CGN: variants seen among roughly 807,000 people sequenced by gnomAD.
CGN encodes cingulin.
Under a neutral mutation model 157.1 loss-of-function variants are expected in CGN, and 121 were observed. The ratio of observed to expected loss-of-function variants is 0.77; its 90% CI spans 0.66 to 0.90. The LOEUF (loss-of-function observed/expected upper bound fraction) is 0.90. Among genes scored for constraint, CGN ranks in the 40% least tolerant of loss-of-function variants. The pLI, the probability that CGN is intolerant of heterozygous loss-of-function variation, is 0.00. For synonymous variants in CGN, 535 were observed against 607.5 expected (o/e 0.88, Z 1.76); for missense variants, 1,424 against 1,520.9 (o/e 0.94, Z 1.06).
At position 151,535,846 on chromosome 1, in the gene CGN, C is replaced by T. The variant is rs781153746; in HGVS notation, c.3145C>T (p.Gln1049Ter). Residue 1049 changes from glutamine to a stop codon, truncating the protein, a stop_gained, in exon 18 of 21, where the codon CAG becomes TAG. Coordinates refer to ENST00000271636, the MANE Select transcript of CGN (RefSeq NM_020770.3). LOFTEE classifies it high-confidence loss of function. ...CCAGAAGCCTAGTGCCAGCCTCTCT[C>T]AGCTTGAGTCCCAGAATCAGTTGTT... ...GFQKPSASLS[Q>*]LESQNQLLQE... 78 of 1,614,052 alleles carry T rather than the reference C, an allele frequency of 4.8e-5. No individual in the cohort carries two copies. Among genetic ancestry groups the T allele is most frequent in the Non-Finnish European group, 5.9e-5 (70 of 1,180,030 alleles).
chr1:151,526,938 G>A (rs1664694179), intron 9 of CGN, 37 bp from the exon 10 acceptor site: 2 of 1,613,826 alleles, frequency 1.2e-6, no homozygotes, highest in Non-Finnish European at 1.7e-6. Context: ...GCCTTACTCT[G>A]TTCCCTTTCC....
intron 8 of CGN, 115 bp downstream of exon 8, chr1:151,525,001 C>G: frequency 1.2e-6 from 1 of 806,664 alleles, no homozygotes. Flanking sequence ...CCCCTCTCCT[C>G]CTAAAGGACA....
rs773152065 is a variant in CGN, at chr1:151,524,340, T to C, written c.1383T>C (p.Ala461=). ...AACATGTCCAGGGTCCTGAGCCTGCTAAGGAGGTGTTACTGAAGGTAGGGT... is the reference window on the plus strand; with the variant it reads ...AACATGTCCAGGGTCCTGAGCCTGCCAAGGAGGTGTTACTGAAGGTAGGGT... ...KLKHVQGPEP[A]KEVLLKDLLE... is the part of the protein sequence containing the mutation. The change falls in exon 7 of 21, where the codon GCT becomes GCC. Residue 461 remains alanine, a synonymous_variant. Transcript: ENST00000271636. This position sits in a 1 kb window ranked among gnomAD's most constrained non-coding sequence, Gnocchi z 4.4. 6.2e-6 allele frequency: 10 copies of C among 1,614,066 alleles called. No individual in the cohort carries two copies. The East Asian group carries it at 2.2e-4, about 36-fold the overall frequency.
In CGN at chr1:151,530,504, C is replaced by G. The variant is rs759368041; in HGVS notation, c.2329C>G (p.Leu777Val). Residue 777 changes from leucine (L) to valine (V), a missense_variant, in exon 13 of 21, where the codon CTG (leucine) becomes GTG (valine). Transcript: ENST00000271636. ...LQRLEAEKQQ[L>V]EEALNASQEE... is the part of the protein sequence containing the mutation. ...TACCTCCCAGGCAGAGAAACAGCAGCTGGAGGAGGCCCTGAATGCGTCCCA... is the reference window on the plus strand; with the variant it reads ...TACCTCCCAGGCAGAGAAACAGCAGGTGGAGGAGGCCCTGAATGCGTCCCA... The G allele has an allele frequency of 6.3e-7, 1 of 1,588,636 alleles. No individual in the cohort carries two copies. Among genetic ancestry groups the G allele is most frequent in the African/African-American group, 1.3e-5 (1 of 74,276 alleles).
chr1:151,534,427 A>C, intron 15 of CGN: 1 of 390,870 alleles, frequency 2.6e-6, no homozygotes, highest in South Asian at 2.9e-5. Flanking sequence ...TAGAGTGAAC[A>C]GTATTCTTCA....
intron 14 of CGN, among the ~76,000 whole-genome samples, chr1:151,533,649 C>T (rs1415426864): frequency 1.3e-5 from 2 of 151,530 alleles, no homozygotes; most frequent in Non-Finnish European, 2.9e-5. Flanking sequence ...AAAAAATTAG[C>T]CAAGCGTGGT....
intron 10 of CGN, among the ~76,000 whole-genome samples, chr1:151,527,656 T>C (rs963481427): frequency 5.3e-5 from 8 of 152,146 alleles, no homozygotes; most frequent in Admixed American, 1.3e-4. Context: ...ATTCACTACA[T>C]ATTATATAAC....
intron 1 of CGN, among the ~76,000 whole-genome samples, chr1:151,516,461 G>A (rs1235318916): frequency 8.6e-5 from 13 of 152,030 alleles, no homozygotes; most frequent in Admixed American, 7.9e-4. Flanking sequence ...ATGTGGACCT[G>A]GGAAGCTGGC....
At chr1:151,512,580 G>T (rs1433993113) in intron 1 of CGN, among the ~76,000 whole-genome samples, 2 of 152,336 alleles carry the variant, frequency 1.3e-5, no homozygotes, top group Admixed American at 1.3e-4. Flanking sequence ...CAGATGAAAG[G>T]TGCACCTTGG....
intron 13 of CGN, among the ~76,000 whole-genome samples, chr1:151,532,071 T>C (rs1320671367): frequency 6.6e-6 from 1 of 152,256 alleles, no homozygotes; most frequent in Non-Finnish European, 1.5e-5. Flanking sequence ...TATCAGGCAC[T>C]GTTGTAAGTA....
chr1:151,519,031 A>G lies in CGN; in HGVS notation c.512A>G (p.Asp171Gly), dbSNP rs1178080284. The change falls in exon 2 of 21, where the codon GAC becomes GGC. Residue 171 changes from aspartate to glycine, a missense_variant. Asp to Gly is a moderately conservative substitution (Grantham distance 94). Transcript: ENST00000271636. ...PKVASPGSTI[D>G]TAPLSSVDSL... is the part of the protein sequence containing the mutation. The stretch of plus-strand genomic sequence containing the variant: ...GTGGCTTCCCCAGGTAGCACCATTG[A>G]CACTGCTCCCCTGTCTTCAGTGGAC... 3.7e-6 allele frequency: 6 copies of G among 1,614,172 alleles called. No individual in the cohort carries two copies. In the South Asian group the frequency reaches 6.6e-5, roughly 18 times the overall value.
In CGN at chr1:151,530,749, G is replaced by A; in HGVS notation, c.2571+3G>A. On this transcript the variant is annotated splice_donor_region_variant and intron_variant, in intron 13 of 20. Transcript: ENST00000271636. ...CTGTGGACCGACTGAACAAGGAGGT[G>A]GGGCATGGGGTATTCTGGGCCTTTA... The A allele has an allele frequency of 6.4e-7, 1 of 1,551,206 alleles. No individual in the cohort carries two copies. Among genetic ancestry groups the A allele is most frequent in the South Asian group, 1.2e-5 (1 of 84,070 alleles).
Position 151,520,424 on chromosome 1 carries a change from A to G in CGN, c.985A>G (p.Ser329Gly). 1.2e-6 allele frequency: 2 copies of G among 1,614,080 alleles called. No homozygotes were observed. Among genetic ancestry groups the G allele is most frequent in the Non-Finnish European group, 1.7e-6 (2 of 1,179,946 alleles). Residue 329 changes from serine to glycine, a missense_variant, in exon 4 of 21, where the codon AGT becomes GGT. This residue lies in a region of CGN where 1,187 missense variants were observed against 1,217.6 expected (regional missense o/e 0.97). Transcript: ENST00000271636. Reference sequence around the variant, plus strand: ...CCTTTTATCCTCTAGAAGCTCAGAAAGTGAAACCTCTGTGAGGAGGAAGGT... The same window carrying G: ...CCTTTTATCCTCTAGAAGCTCAGAAGGTGAAACCTCTGTGAGGAGGAAGGT... The part of the protein sequence containing the change: ...YGILREGSSE[S>G]ETSVRRKVSL...
chr1:151,520,146 T>G lies in CGN; in HGVS notation c.874-20T>G. On this transcript the variant is annotated intron_variant, in intron 2 of 20. Transcript: ENST00000271636. ...TCTTTCTTTCTTTCTTTTTTTTTTC[T>G]TTTTCTTTTTTTTTAACAGTTCAAA... The G allele has an allele frequency of 6.4e-7, 1 of 1,558,476 alleles. No homozygotes were observed. Among genetic ancestry groups the G allele is most frequent in the Non-Finnish European group, 8.7e-7 (1 of 1,149,274 alleles).
chr1:151,526,508 C>G (rs1664685644), intron 9 of CGN, among the ~76,000 whole-genome samples: 1 of 151,290 alleles, frequency 6.6e-6, no homozygotes, highest in African/African-American at 2.4e-5. Flanking sequence ...GGGTCTTGCT[C>G]TGTTGCCCAG....
rs1266948471 is a variant in CGN, at chr1:151,520,162, A to G, written c.874-4A>G. 2 of 1,590,126 alleles carry G rather than the reference A, an allele frequency of 1.3e-6. No individual in the cohort carries two copies. The highest frequency in any genetic ancestry group is 8.5e-7 in the Non-Finnish European group (1 of 1,171,254). ...TTTTTTTTCTTTTTCTTTTTTTTTA[A>G]CAGTTCAAATCAACTCCAGACCTCC... On this transcript the variant is annotated splice_region_variant and splice_polypyrimidine_tract_variant and intron_variant, in intron 2 of 20. Coordinates refer to ENST00000271636, the MANE Select transcript of CGN (RefSeq NM_020770.3).
At chr1:151,522,316 A>C (rs1664560701) in intron 5 of CGN, among the ~76,000 whole-genome samples, 1 of 152,026 alleles carries the variant, frequency 6.6e-6, no homozygotes, top group African/African-American at 2.4e-5. Context: ...CAGTTTAATG[A>C]ATAAGATAGA....
Position 151,530,626 on chromosome 1 carries a change from G to A in CGN, c.2451G>A (p.Gln817=). Residue 817 remains glutamine, a synonymous_variant, in exon 13 of 21, where the codon CAG becomes CAA. Coordinates refer to ENST00000271636, the MANE Select transcript of CGN (RefSeq NM_020770.3). ...TGGCCCGCCTGGGGCAGGAGCAGCA[G>A]ACACTGAACCGGGCCCTGGAGGAGG... ...RGLARLGQEQ[Q]TLNRALEEEG... The A allele has an allele frequency of 1.9e-6, 3 of 1,608,290 alleles. No homozygotes were observed. In the South Asian group the frequency reaches 3.3e-5, roughly 18 times the overall value.
chr1:151,521,850 A>G (rs1269490410), intron 5 of CGN, among the ~76,000 whole-genome samples: 1 of 152,012 alleles, frequency 6.6e-6, no homozygotes, highest in African/African-American at 2.4e-5. Context: ...AAAAAAAAGC[A>G]TTTCCCAGAG....
Sources: allele counts gnomAD v4.1 joint callset (sites outside exome capture counted in the v4.1 genomes callset), GRCh38; gene constraint gnomAD v4.1.1; regional missense constraint gnomAD v4.1.1; non-coding constraint Gnocchi (gnomAD v3.1); transcripts MANE v1.5; gene names NCBI Gene and HGNC (gene_info 2026-07-23, HGNC 2026-07-21).